ADAMTSL1: variants seen among roughly 807,000 people sequenced by gnomAD.
ADAMTSL1 encodes the protein ADAMTS like 1.
In ADAMTSL1, 126 loss-of-function variants were observed where a neutral mutation model predicts 201.8. That is an observed-to-expected ratio of 0.62 (90% CI 0.54 to 0.72). ADAMTSL1 has a LOEUF of 0.72. ADAMTSL1 is among the 30% of genes least tolerant of loss of function. The pLI is 0.00. For synonymous variants in ADAMTSL1, 1,121 were observed against 903.4 expected (o/e 1.24, Z -4.32); for missense variants, 2,679 against 2,277.8 (o/e 1.18, Z -3.59).
chr9:18,105,201 G>T (rs964736155), intron 1 of ADAMTSL1, among the ~76,000 whole-genome samples: 1 of 152,122 alleles, frequency 6.6e-6, no homozygotes, highest in Non-Finnish European at 1.5e-5. Context: ...TGGAATATGT[G>T]CTCTCTGAGT....
intron 1 of ADAMTSL1, among the ~76,000 whole-genome samples, chr9:18,096,099 A>C (rs574842395): frequency 6.6e-6 from 1 of 152,300 alleles, no homozygotes; most frequent in Non-Finnish European, 1.5e-5. Context: ...TTATTATACA[A>C]CAACAGTCTT....
intron 1 of ADAMTSL1, among the ~76,000 whole-genome samples, chr9:17,938,737 A>G (rs1292983282): frequency 6.6e-6 from 1 of 152,132 alleles, no homozygotes; most frequent in Non-Finnish European, 1.5e-5. Context: ...TTACCTTGTC[A>G]CAGAATCTTT....
rs1824573178 is a variant in ADAMTSL1, at chr9:18,826,451, C to T, written c.4102C>T (p.Leu1368=). ...LHGELTESTQ[L]LILDPPQVPT... ...TGGAGAGCTGACTGAGAGCACCCAGCTGCTGATCCTAGGTAAACACTTCAA... is the reference window on the plus strand; with the variant it reads ...TGGAGAGCTGACTGAGAGCACCCAGTTGCTGATCCTAGGTAAACACTTCAA... The change falls in exon 22 of 29, where the codon CTG becomes TTG. Residue 1368 remains leucine (L), a synonymous_variant. Coordinates refer to ENST00000380548, the MANE Select transcript of ADAMTSL1 (RefSeq NM_001040272.6). The T allele has an allele frequency of 6.2e-7, 1 of 1,612,980 alleles. No homozygotes were observed. The highest frequency in any genetic ancestry group is 1.3e-5 in the African/African-American group (1 of 74,910).
chr9:18,621,611 A>G (rs1415664415), intron 4 of ADAMTSL1, among the ~76,000 whole-genome samples: 2 of 148,290 alleles, frequency 1.3e-5, no homozygotes, highest in African/African-American at 5.0e-5. Flanking sequence ...GTAAGTTTGT[A>G]TCTGTTTGCT....
intron 20 of ADAMTSL1, among the ~76,000 whole-genome samples, chr9:18,799,233 C>G (rs934154676): frequency 2.6e-5 from 4 of 152,156 alleles, no homozygotes; most frequent in African/African-American, 9.7e-5. Flanking sequence ...ACCAAAATGT[C>G]ACATACCTAA....
intron 1 of ADAMTSL1, among the ~76,000 whole-genome samples, chr9:18,494,395 G>A (rs1779525686): frequency 1.3e-5 from 2 of 151,476 alleles, no homozygotes; most frequent in South Asian, 2.1e-4. Flanking sequence ...TCTACCTAGA[G>A]ATAAGAGAAA....
intron 2 of ADAMTSL1, among the ~76,000 whole-genome samples, chr9:18,433,882 A>T (rs994176024): frequency 1.3e-5 from 2 of 152,236 alleles, no homozygotes; most frequent in African/African-American, 2.4e-5. Flanking sequence ...ACTGGATTCA[A>T]TACAGAATGT....
At chr9:18,375,976 T>C (rs1837278445) in intron 2 of ADAMTSL1, among the ~76,000 whole-genome samples, 1 of 152,160 alleles carries the variant, frequency 6.6e-6, no homozygotes, top group African/African-American at 2.4e-5. Flanking sequence ...GAGTGCTGAT[T>C]GGTGCATTTT....
intron 2 of ADAMTSL1, among the ~76,000 whole-genome samples, chr9:18,411,100 C>A (rs1192312841): frequency 6.6e-6 from 1 of 151,200 alleles, no homozygotes; most frequent in Non-Finnish European, 1.5e-5. Flanking sequence ...CTGACCTCAT[C>A]ATCCACCCAC....
intron 3 of ADAMTSL1, among the ~76,000 whole-genome samples, chr9:18,555,699 G>C (rs1821067758): frequency 6.6e-6 from 1 of 152,104 alleles, no homozygotes; most frequent in East Asian, 1.9e-4. Flanking sequence ...AGGAGACCAG[G>C]AAGTGACACT....
intron 1 of ADAMTSL1, among the ~76,000 whole-genome samples, chr9:18,054,650 T>C (rs115788578): frequency 0.012 from 1,859 of 152,356 alleles, 40 homozygotes; most frequent in African/African-American, 0.042. Context: ...TAAAGGGACC[T>C]TGAAGCTCAG....
At chr9:17,937,550 C>T (rs1827062453) in intron 1 of ADAMTSL1, among the ~76,000 whole-genome samples, 1 of 120,334 alleles carries the variant, frequency 8.3e-6, no homozygotes, top group Non-Finnish European at 1.8e-5. Flanking sequence ...TTTAAACACA[C>T]TTATAAACTT....
intron 2 of ADAMTSL1, among the ~76,000 whole-genome samples, chr9:18,440,811 C>G (rs1228134711): frequency 1.3e-5 from 2 of 152,012 alleles, no homozygotes; most frequent in Admixed American, 1.3e-4. Flanking sequence ...ACTTACCAGA[C>G]TACCAGGAAT....
intron 21 of ADAMTSL1, 30 bp downstream of exon 21, chr9:18,817,267 G>C: frequency 6.5e-7 from 1 of 1,547,078 alleles, no homozygotes; most frequent in East Asian, 2.5e-5. Flanking sequence ...TTGTTCACAC[G>C]TTAATGGAGC....
intron 2 of ADAMTSL1, among the ~76,000 whole-genome samples, chr9:18,182,799 T>C (rs1039932699): frequency 6.6e-6 from 1 of 152,200 alleles, no homozygotes; most frequent in African/African-American, 2.4e-5. Flanking sequence ...TTGTAGGTAG[T>C]AGAATGCGGG....
chr9:18,629,017 G>A lies in ADAMTSL1; in HGVS notation c.601+6648G>A, dbSNP rs145198338. ...TAGCTGGGACTACAGGAGTTACTGCGCTTGGCTTGGCATTGTATTCTTTAT... is the reference window on the plus strand; with the variant it reads ...TAGCTGGGACTACAGGAGTTACTGCACTTGGCTTGGCATTGTATTCTTTAT... On this transcript the variant is annotated intron_variant, in intron 5 of 28. Transcript: ENST00000380548. Among the ~76,000 whole-genome samples the A allele has an allele frequency of 7.7e-3, 1,179 of 152,168 alleles. 22 individuals are homozygous for A. The highest frequency in any genetic ancestry group is 0.026 in the African/African-American group (1,069 of 41,530).
rs372517743 is a variant in ADAMTSL1, at chr9:18,233,261, A to G, written c.207+69280A>G. On this transcript the variant is annotated intron_variant, in intron 2 of 29. Coordinates refer to the ADAMTSL1 transcript ENST00000680146. ...TTAATTTTAAAATTTTGTTCCTGGCATTAGTAATAGCAGATAAATTGGAAA... is the reference window on the plus strand; with the variant it reads ...TTAATTTTAAAATTTTGTTCCTGGCGTTAGTAATAGCAGATAAATTGGAAA... Among the ~76,000 whole-genome samples, 15 of 152,334 alleles carry G rather than the reference A, an allele frequency of 9.8e-5. No homozygotes were observed. In the East Asian group the frequency reaches 2.1e-3, roughly 22 times the overall value.
At chr9:18,892,120 C>A (rs1373118182) in intron 25 of ADAMTSL1, among the ~76,000 whole-genome samples, 1 of 152,216 alleles carries the variant, frequency 6.6e-6, no homozygotes. Flanking sequence ...TAGGGCCCAG[C>A]CAGATAATCC....
chr9:18,516,086 C>CAAAAAA (rs1818347094), intron 2 of ADAMTSL1, among the ~76,000 whole-genome samples: 1 of 67,896 alleles, frequency 1.5e-5, no homozygotes, highest in Admixed American at 1.8e-4. Flanking sequence ...ACCTCAACTA[C>CAAAAAA]CAAAAAAAAA....
Sources: gnomAD v4.1 joint callset for allele counts (sites outside exome capture counted in the v4.1 genomes callset) on GRCh38, gnomAD v4.1.1 for gene constraint, MANE v1.5 for transcripts, NCBI Gene and HGNC (gene_info 2026-07-23, HGNC 2026-07-21) for gene names.